The following PCF11 variants were observed in gnomAD, a reference collection of about 807,000 sequenced individuals.
PCF11 encodes PCF11 cleavage and polyadenylation factor subunit, also known as pre-mRNA cleavage complex 2 protein Pcf11.
PCF11 carries 19 observed loss-of-function variants against 166.1 expected under a neutral mutation model. The ratio of observed to expected loss-of-function variants is 0.11; its 90% confidence interval spans 0.08 to 0.17. The LOEUF (loss-of-function observed/expected upper bound fraction) is 0.17, where lower values mean the gene tolerates loss of function less well. Among genes scored for constraint, PCF11 ranks in the 10% least tolerant of loss-of-function variants. The pLI is 1.00. For missense variants in PCF11, 1,565 were observed against 1,855.5 expected (o/e 0.84, Z 2.88); for synonymous variants, 663 against 644.1 (o/e 1.03, Z -0.44).
exon 5 of PCF11, chr11:83,166,378 C>T: frequency 6.2e-7 from 1 of 1,613,860 alleles, no homozygotes; most frequent in Non-Finnish European, 8.5e-7. Flanking sequence ...ATTATACATT[C>T]CCCAAAGAGA....
intron 9 of PCF11, among the ~76,000 whole-genome samples, chr11:83,172,595 G>A (rs780755472): frequency 1.3e-5 from 2 of 151,984 alleles, no homozygotes; most frequent in Non-Finnish European, 2.9e-5. Context: ...GCTAACTTTT[G>A]TATTTTTACG....
At chr11:83,169,629 A>T in exon 8 of PCF11, 1 of 1,614,012 alleles carries the variant, frequency 6.2e-7, no homozygotes, top group Non-Finnish European at 8.5e-7. Flanking sequence ...ATGGTCCACA[A>T]CATCAGCAAG....
intron 11 of PCF11, chr11:83,180,137 G>T: frequency 7.1e-6 from 1 of 141,140 alleles, no homozygotes; most frequent in African/African-American, 2.7e-5. Flanking sequence ...GGCCCAGGCT[G>T]GAGTGCAGTG....
intron 8 of PCF11, 41 bp from the exon 9 acceptor site, chr11:83,171,777 A>G (rs774908392): frequency 5.0e-6 from 5 of 1,001,700 alleles, no homozygotes; most frequent in Non-Finnish European, 3.2e-6. Context: ...TTTACTTGAA[A>G]TATAGAAAGC....
rs748751038 is a variant in PCF11, at chr11:83,161,457, A to C, written c.318+5A>C. On this transcript the variant is annotated splice_donor_5th_base_variant and intron_variant, in intron 2 of 15. Transcript: ENST00000298281. ...TTTATTTGTGTGTTTGAAAAGGTACATATGCATTTAGAAACATTTGCGTTT... is the reference window on the plus strand; with the variant it reads ...TTTATTTGTGTGTTTGAAAAGGTACCTATGCATTTAGAAACATTTGCGTTT... The C allele has an allele frequency of 2.0e-5, 31 of 1,552,020 alleles. No homozygotes were observed. Among genetic ancestry groups the C allele is most frequent in the Non-Finnish European group, 2.5e-5 (29 of 1,155,256 alleles).
chr11:83,168,508 T>C, exon 8 of PCF11: 1 of 1,614,040 alleles, frequency 6.2e-7, no homozygotes, highest in Non-Finnish European at 8.5e-7. Flanking sequence ...AGATAAACCA[T>C]TTGTAGATAG....
At position 83,167,253 on chromosome 11, in the gene PCF11, A is replaced by G; in HGVS notation, c.1946A>G (p.Asn649Ser). 2 of 1,613,596 alleles carry G rather than the reference A, an allele frequency of 1.2e-6. No homozygotes were observed. Among genetic ancestry groups the G allele is most frequent in the Non-Finnish European group, 8.5e-7 (1 of 1,179,636 alleles). The stretch of plus-strand genomic sequence containing the variant: ...CAGCATCGATTAAGTGTAGATGCCA[A>G]TCTTCAGATTCCTAAAGAGTTAACT... The change falls in exon 6 of 16, where the codon AAT (asparagine) becomes AGT (serine). Residue 649 changes from asparagine (N) to serine (S), a missense_variant. Coordinates refer to ENST00000298281, the Ensembl canonical transcript of PCF11. This position sits in a 1 kb window ranked among gnomAD's most constrained non-coding sequence, Gnocchi z 4.2.
exon 8 of PCF11, chr11:83,169,824 A>G: frequency 6.2e-7 from 1 of 1,613,770 alleles, no homozygotes. Context: ...ATTCACCTCA[A>G]GGACCAAATT....
At chr11:83,175,002 G>A (rs1031230169) in intron 9 of PCF11, among the ~76,000 whole-genome samples, 1 of 152,244 alleles carries the variant, frequency 6.6e-6, no homozygotes, top group African/African-American at 2.4e-5. Flanking sequence ...GTATACAGTG[G>A]TTAAGGGTAG....
exon 1 of PCF11, chr11:83,157,238 A>G: frequency 3.4e-6 from 2 of 593,294 alleles, no homozygotes; most frequent in Non-Finnish European, 6.0e-6. Context: ...CTGGAAGTGG[A>G]CGGAGATCAC....
exon 16 of PCF11, chr11:83,187,325 T>G (rs1423153586): frequency 6.6e-6 from 1 of 152,232 alleles, no homozygotes; most frequent in Admixed American, 6.5e-5. Flanking sequence ...CCCAGAGTGC[T>G]GGGATTACAG....
chr11:83,185,913 G>C (rs1490180272), exon 16 of PCF11: 3 of 152,582 alleles, frequency 2.0e-5, no homozygotes, highest in Non-Finnish European at 4.4e-5. Context: ...TCTGAGACAG[G>C]TTAGTCTTTT....
exon 8 of PCF11, chr11:83,169,758 T>G: frequency 2.5e-6 from 4 of 1,613,978 alleles, no homozygotes; most frequent in Non-Finnish European, 3.4e-6. Flanking sequence ...CACCTGGCAA[T>G]GCTTTTAATG....
intron 1 of PCF11, 138 bp downstream of exon 1, chr11:83,157,769 C>A: frequency 1.3e-6 from 1 of 779,980 alleles, no homozygotes; most frequent in Non-Finnish European, 2.1e-6. Context: ...CCAACTCAGG[C>A]TCGGTCTTTG....
chr11:83,166,360 G>A, exon 5 of PCF11: 1 of 1,613,934 alleles, frequency 6.2e-7, no homozygotes, highest in Non-Finnish European at 8.5e-7. Flanking sequence ...CCCAAGTCTA[G>A]GTCACCAATT....
chr11:83,168,742 C>A (rs376498580), exon 8 of PCF11: 3 of 1,613,850 alleles, frequency 1.9e-6, no homozygotes, highest in Non-Finnish European at 2.5e-6. Flanking sequence ...GGGAGGAGGC[C>A]CTTTGAGATT....
intron 11 of PCF11, 180 bp from the exon 12 acceptor site, chr11:83,180,828 A>G (rs547020769): frequency 2.6e-6 from 1 of 390,228 alleles, no homozygotes; most frequent in Admixed American, 4.1e-5. Flanking sequence ...CACCAAAGTT[A>G]AGGTAAAGAG....
intron 11 of PCF11, among the ~76,000 whole-genome samples, chr11:83,178,361 A>T (rs188317041): frequency 2.0e-5 from 3 of 152,190 alleles, no homozygotes; most frequent in African/African-American, 7.2e-5. Flanking sequence ...CAGAAAACTT[A>T]GGGAGTTTAA....
intron 12 of PCF11, among the ~76,000 whole-genome samples, chr11:83,181,543 G>C (rs1861087506): frequency 6.7e-6 from 1 of 148,530 alleles, no homozygotes; most frequent in Non-Finnish European, 1.5e-5. Context: ...ATTAAGATTA[G>C]AGTGTAGCCT....
Sources: allele counts gnomAD v4.1 joint callset (sites outside exome capture counted in the v4.1 genomes callset), GRCh38; gene constraint gnomAD v4.1.1; non-coding constraint Gnocchi (gnomAD v3.1); transcripts MANE v1.5; gene names NCBI Gene and HGNC (gene_info 2026-07-23, HGNC 2026-07-21).